Variants in SLC24A1 observed in about 807,000 individuals in gnomAD.
The protein encoded by SLC24A1 is solute carrier family 24 member 1.
SLC24A1 carries 52 observed loss-of-function variants against 88.1 expected under a neutral mutation model. That is an observed-to-expected ratio of 0.59 (90% CI 0.47 to 0.74). The LOEUF is 0.74. Among genes scored for constraint, SLC24A1 ranks in the 30% least tolerant of loss-of-function variants. The probability of loss-of-function intolerance (pLI) is 0.00; values close to 1 mark genes in which losing one functional copy is unlikely to be tolerated. For synonymous variants in SLC24A1, 455 were observed against 498.0 expected, an observed-to-expected ratio of 0.91 and a Z score of 1.15; for missense variants, 1,173 against 1,363.3, an observed-to-expected ratio of 0.86 and a Z score of 2.20.
chr15:65,648,064 T>C (rs1431968024), intron 6 of SLC24A1, among the ~76,000 whole-genome samples: 1 of 152,076 alleles, frequency 6.6e-6, no homozygotes, highest in African/African-American at 2.4e-5. Context: ...ATCGAGACCA[T>C]CCTGGCTAAC....
chr15:65,643,053 T>C (rs1016389650), intron 4 of SLC24A1: 13 of 1,263,208 alleles, frequency 1.0e-5, no homozygotes, highest in African/African-American at 3.1e-5. Flanking sequence ...TTTTCATCAT[T>C]GTTGTTGTTG....
chr15:65,656,720 C>G (rs1003444372), downstream of SLC24A1, among the ~76,000 whole-genome samples: 3 of 152,160 alleles, frequency 2.0e-5, no homozygotes, highest in Non-Finnish European at 2.9e-5. Flanking sequence ...ACTTCTACCC[C>G]CTTAGGCTGC....
chr15:65,643,282 T>A (rs2075193064), intron 4 of SLC24A1, among the ~76,000 whole-genome samples: 1 of 152,214 alleles, frequency 6.6e-6, no homozygotes, highest in Non-Finnish European at 1.5e-5. Flanking sequence ...TTCAGAATTG[T>A]GCTAAAGGAA....
chr15:65,651,397 C>G (rs1343820800), intron 7 of SLC24A1, among the ~76,000 whole-genome samples: 1 of 152,120 alleles, frequency 6.6e-6, no homozygotes, highest in Non-Finnish European at 1.5e-5. Context: ...CTAGATTGGC[C>G]TGGTTCTAGG....
At chr15:65,615,497 A>G (rs2074108408) in intron 2 of SLC24A1, among the ~76,000 whole-genome samples, 1 of 152,178 alleles carries the variant, frequency 6.6e-6, no homozygotes, top group Non-Finnish European at 1.5e-5. Flanking sequence ...AGCCTGACCA[A>G]CATAGTGTAA....
At chr15:65,620,206 C>T (rs2074276540), upstream of SLC24A1, among the ~76,000 whole-genome samples, 1 of 151,730 alleles carries the variant, frequency 6.6e-6, no homozygotes, top group East Asian at 1.9e-4. Flanking sequence ...AGGCAAGTTC[C>T]CTGTCTTCTT....
intron 2 of SLC24A1, among the ~76,000 whole-genome samples, chr15:65,635,817 C>T (rs763389003): frequency 6.6e-6 from 1 of 152,212 alleles, no homozygotes; most frequent in African/African-American, 2.4e-5. Flanking sequence ...TTTCAGGAAC[C>T]ACATTCTTCT....
chr15:65,639,581 C>G lies in SLC24A1; in HGVS notation c.1945-14C>G, dbSNP rs761704353. The G allele has an allele frequency of 8.9e-5, 136 of 1,528,584 alleles. No individual in the cohort carries two copies. Among genetic ancestry groups the G allele is most frequent in the Non-Finnish European group, 1.1e-4 (125 of 1,122,570 alleles). 94.7% of individuals were successfully genotyped at this position (1,528,584 alleles called of 1,614,324 possible). A position where few individuals can be genotyped will look rare whatever the true frequency, so the allele number is the denominator to read the frequency against. On this transcript the variant is annotated splice_polypyrimidine_tract_variant and intron_variant, in intron 3 of 9. Coordinates refer to ENST00000261892, the MANE Select transcript of SLC24A1 (RefSeq NM_004727.3). The stretch of plus-strand genomic sequence containing the variant: ...TTGGACAGGGGCCCACTGTGCGGCT[C>G]TCCTCTTGCTCAGCTCCCGTCCTTG...
At chr15:65,644,008 A>G (rs1200406012) in intron 4 of SLC24A1, 3 of 191,816 alleles carry the variant, frequency 1.6e-5, no homozygotes, top group African/African-American at 7.0e-5. Context: ...CATGTCTATC[A>G]CAGACATTAC....
At chr15:65,642,768 GAACT>G (rs1596334186) in intron 4 of SLC24A1, 12 of 334,462 alleles carry the variant, frequency 3.6e-5, no homozygotes, top group South Asian at 7.4e-5. Context: ...AGCTGCAGCT[GAACT>G]AACTGAGAGT....
intron 2 of SLC24A1, among the ~76,000 whole-genome samples, chr15:65,626,181 C>T (rs2074509662): frequency 6.6e-6 from 1 of 152,182 alleles, no homozygotes; most frequent in African/African-American, 2.4e-5. Context: ...CCCCTAATCA[C>T]CCTATAAACT....
At chr15:65,628,145 A>C (rs1185559284) in intron 2 of SLC24A1, among the ~76,000 whole-genome samples, 1 of 151,994 alleles carries the variant, frequency 6.6e-6, no homozygotes, top group African/African-American at 2.4e-5. Context: ...TTTTGTAGAG[A>C]TGGGGACCTC....
intron 4 of SLC24A1, chr15:65,643,052 T>C (rs1566959884): frequency 1.6e-6 from 2 of 1,264,798 alleles, no homozygotes; most frequent in Middle Eastern, 2.2e-4. Flanking sequence ...GTTTTCATCA[T>C]TGTTGTTGTT....
chr15:65,611,866 G>C (rs781527502), intron 1 of SLC24A1: 1 of 152,262 alleles, frequency 6.6e-6, no homozygotes, highest in Non-Finnish European at 1.5e-5. Context: ...CGAGAATCTT[G>C]GGGGGAAAAA....
chr15:65,630,251 A>G (rs896647873), intron 2 of SLC24A1, among the ~76,000 whole-genome samples: 2 of 152,092 alleles, frequency 1.3e-5, no homozygotes, highest in African/African-American at 4.8e-5. Context: ...TGACCTCCCA[A>G]AGTGCTGGGA....
Position 65,625,158 on chromosome 15 carries a change from G to T in SLC24A1, c.1078G>T (p.Ala360Ser). 6.2e-7 allele frequency: 1 copy of T among 1,613,466 alleles called. No homozygotes were observed. Among genetic ancestry groups the T allele is most frequent in the Non-Finnish European group, 8.5e-7 (1 of 1,179,874 alleles). ...PRTSVSAIKT[A>S]PAIVWRLAKK... Reference sequence around the variant, plus strand: ...GACCAGTGTATCAGCCATCAAAACAGCCCCAGCCATAGTCTGGAGGCTGGC... The same window carrying T: ...GACCAGTGTATCAGCCATCAAAACATCCCCAGCCATAGTCTGGAGGCTGGC... Residue 360 changes from alanine to serine, a missense_variant, in exon 2 of 10, where the codon GCC becomes TCC. Ala to Ser is a moderately conservative substitution (Grantham distance 99). Transcript: ENST00000261892.
rs1434495320 is a variant in SLC24A1, at chr15:65,650,464, A to C, written c.2315A>C (p.Lys772Thr). 1 of 1,551,788 alleles carries C rather than the reference A, an allele frequency of 6.4e-7. No individual in the cohort carries two copies. The highest frequency in any genetic ancestry group is 1.4e-5 in the African/African-American group (1 of 73,150). Residue 772 changes from lysine (K) to threonine (T), a missense_variant, in exon 7 of 10, where the codon AAA (lysine) becomes ACA (threonine). Physicochemically the swap from Lys to Thr is moderately conservative, Grantham distance 78 (BLOSUM62 -1). Transcript: ENST00000261892. This position sits in a 1 kb window ranked among gnomAD's most constrained non-coding sequence, Gnocchi z 4.1. The part of the protein sequence containing the change: ...ETAGEGETEE[K>T]SGGETQPEGE... ...GCTGGTGAAGGTGAAACTGAAGAGA[A>C]AAGTGGAGGTGAAACTCAACCAGAA...
In SLC24A1 at chr15:65,624,179, C is replaced by T. The variant is rs1217130536; in HGVS notation, c.99C>T (p.Ile33=). Residue 33 remains isoleucine (I), a synonymous_variant, in exon 2 of 10, where the codon ATC becomes ATT. Coordinates refer to ENST00000261892, the MANE Select transcript of SLC24A1 (RefSeq NM_004727.3). ...SRLLFLLGML[I]IGSTYQHLRR... is the part of the protein sequence containing the mutation. The stretch of plus-strand genomic sequence containing the variant: ...TCCTCTTCTTACTGGGAATGTTGAT[C>T]ATCGGTTCTACTTATCAGCACCTTA... The T allele has an allele frequency of 6.2e-7, 1 of 1,613,862 alleles. No individual in the cohort carries two copies. The highest frequency in any genetic ancestry group is 8.5e-7 in the Non-Finnish European group (1 of 1,179,852).
At chr15:65,616,811 C>T (rs979144291) in intron 2 of SLC24A1, among the ~76,000 whole-genome samples, 2 of 152,220 alleles carry the variant, frequency 1.3e-5, no homozygotes, top group South Asian at 4.2e-4. Context: ...ATGCCTATGT[C>T]CTGAATGGTA....
Sources: gnomAD v4.1 joint callset for allele counts (sites outside exome capture counted in the v4.1 genomes callset) on GRCh38, gnomAD v4.1.1 for gene constraint, Gnocchi (gnomAD v3.1) non-coding constraint, MANE v1.5 for transcripts, NCBI Gene and HGNC (gene_info 2026-07-23, HGNC 2026-07-21) for gene names.